Variants in TBC1D1 observed in about 807,000 individuals in gnomAD.
TBC1D1 encodes TBC1 (tre-2/USP6, BUB2, cdc16) domain family, member 1.
TBC1D1 carries 89 observed loss-of-function variants against 125.6 expected under a neutral mutation model. The ratio of observed to expected loss-of-function variants is 0.71; its 90% confidence interval spans 0.60 to 0.85. The LOEUF is 0.85. Ranked by LOEUF, TBC1D1 falls within the 40% of genes least tolerant of loss-of-function variation. The pLI, the probability that TBC1D1 is intolerant of heterozygous loss-of-function variation, is 0.00. For synonymous variants in TBC1D1, 565 were observed against 564.1 expected, an observed-to-expected ratio of 1.00 and a Z score of -0.02; for missense variants, 1,377 against 1,469.2, an observed-to-expected ratio of 0.94 and a Z score of 1.03.
At chr4:37,894,278 C>T (rs374719225) in intron 1 of TBC1D1, among the ~76,000 whole-genome samples, 1 of 152,112 alleles carries the variant, frequency 6.6e-6, no homozygotes, top group South Asian at 2.1e-4. Flanking sequence ...TGAGCCACGG[C>T]GCCCGACCAG....
At chr4:37,951,252 G>C (rs1727804751) in intron 2 of TBC1D1, among the ~76,000 whole-genome samples, 1 of 152,158 alleles carries the variant, frequency 6.6e-6, no homozygotes, top group African/African-American at 2.4e-5. Context: ...TAGCATATCA[G>C]GGATTGTTTT....
At chr4:38,011,308 G>A (rs939650675) in intron 2 of TBC1D1, among the ~76,000 whole-genome samples, 22 of 146,552 alleles carry the variant, frequency 1.5e-4, no homozygotes, top group Non-Finnish European at 2.8e-4. Flanking sequence ...AGCTGAGATC[G>A]CCCCATTGCA....
intron 6 of TBC1D1, among the ~76,000 whole-genome samples, chr4:38,024,334 A>AG (rs908600561): frequency 1.6e-4 from 24 of 152,372 alleles, no homozygotes; most frequent in Admixed American, 8.5e-4. Context: ...TTAAAAAGCC[A>AG]GCAGTGACTT....
intron 2 of TBC1D1, among the ~76,000 whole-genome samples, chr4:38,007,492 A>G (rs1241073068): frequency 1.3e-5 from 2 of 152,010 alleles, no homozygotes; most frequent in Non-Finnish European, 1.5e-5. Flanking sequence ...ACCTCAAATG[A>G]TCCACCCACC....
intron 8 of TBC1D1, among the ~76,000 whole-genome samples, chr4:38,042,941 G>A (rs144583848): frequency 5.3e-5 from 8 of 152,108 alleles, no homozygotes; most frequent in Non-Finnish European, 1.2e-4. Flanking sequence ...TCGCTCTGTC[G>A]CCCAGGCTGG....
intron 2 of TBC1D1, among the ~76,000 whole-genome samples, chr4:37,935,642 C>T (rs761201964): frequency 1.3e-5 from 2 of 152,202 alleles, no homozygotes; most frequent in Non-Finnish European, 2.9e-5. Context: ...ACTCCACCAG[C>T]GTCCAGAGCG....
chr4:37,980,389 T>C (rs1468933288), intron 2 of TBC1D1, among the ~76,000 whole-genome samples: 1 of 152,208 alleles, frequency 6.6e-6, no homozygotes, highest in Non-Finnish European at 1.5e-5. Flanking sequence ...ACTGAACTTC[T>C]CAAGCTTTGT....
At chr4:37,915,949 G>A (rs1020459535) in intron 2 of TBC1D1, among the ~76,000 whole-genome samples, 41 of 152,286 alleles carry the variant, frequency 2.7e-4, no homozygotes, top group African/African-American at 8.7e-4. Flanking sequence ...GGCATTTATT[G>A]GTGACAGTTG....
rs1578680299 is a variant in TBC1D1 at position 38,095,903 on chromosome 4, A to G, written c.2237-26A>G. 5 of 1,591,010 alleles carry G rather than the reference A, an allele frequency of 3.1e-6. No homozygotes were observed. In the East Asian group the frequency reaches 1.1e-4, roughly 36 times the overall value. ...AATTCCATAGCTGTAGCCTTTACTA[A>G]TGCGCTCTGGAATGGTCTATTCCAG... On this transcript the variant is annotated intron_variant, in intron 13 of 19. Coordinates refer to ENST00000261439, the MANE Select transcript of TBC1D1 (RefSeq NM_015173.4).
chr4:37,956,020 G>T (rs1245193897), intron 2 of TBC1D1, among the ~76,000 whole-genome samples: 1 of 140,426 alleles, frequency 7.1e-6, no homozygotes, highest in African/African-American at 2.8e-5. Flanking sequence ...CATATAATCT[G>T]CTTCAAATAA....
chr4:37,966,707 G>T (rs1359128459), intron 2 of TBC1D1, among the ~76,000 whole-genome samples: 1 of 152,050 alleles, frequency 6.6e-6, no homozygotes, highest in Non-Finnish European at 1.5e-5. Context: ...AGGGTTTGCT[G>T]CACCCATCAA....
chr4:38,027,296 T>G (rs537669330), intron 6 of TBC1D1, among the ~76,000 whole-genome samples: 1 of 152,284 alleles, frequency 6.6e-6, no homozygotes, highest in South Asian at 2.1e-4. Flanking sequence ...GCTCAGAAGA[T>G]GATGACAAAG....
intron 2 of TBC1D1, among the ~76,000 whole-genome samples, chr4:37,999,585 C>T (rs1738578004): frequency 1.3e-5 from 2 of 151,918 alleles, no homozygotes; most frequent in African/African-American, 4.8e-5. Flanking sequence ...CAGGTGCCCT[C>T]AGGACCTGGG....
intron 2 of TBC1D1, among the ~76,000 whole-genome samples, chr4:37,989,102 C>T (rs1023036494): frequency 6.6e-6 from 1 of 152,212 alleles, no homozygotes; most frequent in Admixed American, 6.5e-5. Context: ...GAATCCTCTT[C>T]ACTTTCCAGA....
intron 8 of TBC1D1, among the ~76,000 whole-genome samples, chr4:38,036,614 C>T (rs940944690): frequency 3.3e-5 from 5 of 152,170 alleles, no homozygotes; most frequent in African/African-American, 1.2e-4. Context: ...GACCCTAAAC[C>T]AAGTGTGCAG....
intron 2 of TBC1D1, among the ~76,000 whole-genome samples, chr4:37,953,937 C>T (rs1440032401): frequency 6.6e-6 from 1 of 152,136 alleles, no homozygotes; most frequent in Non-Finnish European, 1.5e-5. Flanking sequence ...TTATCAGGCT[C>T]CACTTCAGCC....
At chr4:37,892,226 C>T (rs1183077751) in intron 1 of TBC1D1, among the ~76,000 whole-genome samples, 1 of 152,118 alleles carries the variant, frequency 6.6e-6, no homozygotes, top group Non-Finnish European at 1.5e-5. Flanking sequence ...ACCCAAGAAA[C>T]TCAGCTATCT....
intron 7 of TBC1D1, 52 bp from the exon 8 acceptor site, chr4:38,035,536 C>G: frequency 6.9e-7 from 1 of 1,447,266 alleles, no homozygotes; most frequent in Non-Finnish European, 9.7e-7. Flanking sequence ...GACGGCTTAG[C>G]AATATTGTTG....
At chr4:38,131,261 T>C (rs1765540148) in intron 18 of TBC1D1, among the ~76,000 whole-genome samples, 2 of 152,206 alleles carry the variant, frequency 1.3e-5, no homozygotes, top group Admixed American at 1.3e-4. Context: ...TCCCAGGCTT[T>C]CCAGGTTAGG....
Sources: allele counts gnomAD v4.1 joint callset (sites outside exome capture counted in the v4.1 genomes callset), GRCh38; gene constraint gnomAD v4.1.1; transcripts MANE v1.5; gene names NCBI Gene and HGNC (gene_info 2026-07-23, HGNC 2026-07-21).